The following SEMA3E variants were observed in gnomAD, a reference collection of about 807,000 sequenced individuals.
SEMA3E encodes the protein semaphorin 3E.
SEMA3E carries 49 observed loss-of-function variants against 93.6 expected under a neutral mutation model. The observed-to-expected ratio is 0.52, with a 90% CI of 0.42 to 0.66. The LOEUF (loss-of-function observed/expected upper bound fraction) is 0.66, where lower values mean the gene tolerates loss of function less well. Ranked by LOEUF, SEMA3E falls within the 30% of genes least tolerant of loss-of-function variation. The pLI, the probability that SEMA3E is intolerant of heterozygous loss-of-function variation, is 0.00. For missense variants in SEMA3E, 906 were observed against 964.8 expected (o/e 0.94, Z 0.81); for synonymous variants, 363 against 330.7 (o/e 1.10, Z -1.06).
chr7:83,402,412 C>G (rs1341097160), intron 10 of SEMA3E, among the ~76,000 whole-genome samples: 2 of 151,812 alleles, frequency 1.3e-5, no homozygotes, highest in East Asian at 3.9e-4. Flanking sequence ...TTTTATAATA[C>G]TGCTGTGTCC....
At chr7:83,441,352 TTGTA>T (rs1562784121) in intron 4 of SEMA3E, among the ~76,000 whole-genome samples, 2 of 152,194 alleles carry the variant, frequency 1.3e-5, no homozygotes, top group Non-Finnish European at 2.9e-5. Flanking sequence ...ATTTGCCAAT[TTGTA>T]TGTTTTTTTA....
At chr7:83,570,548 G>A (rs2535380) in intron 1 of SEMA3E, among the ~76,000 whole-genome samples, 1,046 of 28,094 alleles carry the variant, frequency 0.037, 42 homozygotes, top group African/African-American at 0.3. Context: ...GCGAGACTCC[G>A]TCTCAAAAAA....
At chr7:83,393,695 C>A (rs1166437387) in intron 13 of SEMA3E, among the ~76,000 whole-genome samples, 1 of 152,042 alleles carries the variant, frequency 6.6e-6, no homozygotes, top group Non-Finnish European at 1.5e-5. Context: ...TTTGCCTGAA[C>A]ATGAAGGATT....
intron 1 of SEMA3E, among the ~76,000 whole-genome samples, chr7:83,566,571 G>A (rs919270772): frequency 6.6e-6 from 1 of 151,996 alleles, no homozygotes; most frequent in African/African-American, 2.4e-5. Context: ...CAGCCTGTAG[G>A]TCCAAAACAA....
At chr7:83,576,649 G>A (rs897256404) in intron 1 of SEMA3E, among the ~76,000 whole-genome samples, 4 of 151,632 alleles carry the variant, frequency 2.6e-5, no homozygotes, top group Admixed American at 6.6e-5. Context: ...TTTTTGAGAC[G>A]GAGTCTCACT....
chr7:83,465,231 T>C (rs970092450), intron 4 of SEMA3E, among the ~76,000 whole-genome samples: 6 of 151,908 alleles, frequency 3.9e-5, no homozygotes, highest in Non-Finnish European at 7.4e-5. Flanking sequence ...TGTAATTTTC[T>C]TTTACCTACC....
intron 1 of SEMA3E, among the ~76,000 whole-genome samples, chr7:83,497,935 TC>T (rs1790520297): frequency 6.6e-6 from 1 of 152,180 alleles, no homozygotes; most frequent in Non-Finnish European, 1.5e-5. Flanking sequence ...TTTATAATTT[TC>T]AGATTCCTTG....
intron 13 of SEMA3E, among the ~76,000 whole-genome samples, chr7:83,393,203 T>C (rs1788052365): frequency 6.6e-6 from 1 of 152,228 alleles, no homozygotes; most frequent in East Asian, 1.9e-4. Flanking sequence ...TATCTTGCAT[T>C]ACCCAACACT....
intron 4 of SEMA3E, among the ~76,000 whole-genome samples, chr7:83,464,056 C>G (rs1789696245): frequency 6.6e-6 from 1 of 152,040 alleles, no homozygotes. Flanking sequence ...CACCTCAATA[C>G]AGTCTGATAA....
At chr7:83,408,134 T>C (rs775108505) in intron 6 of SEMA3E, among the ~76,000 whole-genome samples, 2 of 152,210 alleles carry the variant, frequency 1.3e-5, no homozygotes, top group African/African-American at 4.8e-5. Flanking sequence ...TACTGATTTC[T>C]AAGCATTGCT....
At chr7:83,534,414 T>A (rs1263547176) in intron 1 of SEMA3E, among the ~76,000 whole-genome samples, 1 of 152,184 alleles carries the variant, frequency 6.6e-6, no homozygotes, top group Non-Finnish European at 1.5e-5. Flanking sequence ...CATTTATAAA[T>A]AACAGTACTT....
intron 1 of SEMA3E, among the ~76,000 whole-genome samples, chr7:83,620,423 G>A (rs1376781427): frequency 6.6e-6 from 1 of 152,118 alleles, no homozygotes; most frequent in Non-Finnish European, 1.5e-5. Flanking sequence ...GACGTACAAA[G>A]AGGAGCTGGT....
chr7:83,449,638 C>T (rs1789312270), intron 4 of SEMA3E, among the ~76,000 whole-genome samples: 1 of 152,090 alleles, frequency 6.6e-6, no homozygotes, highest in African/African-American at 2.4e-5. Context: ...GAGAACTATA[C>T]AGCACATATT....
chr7:83,607,174 C>T (rs1452723006), intron 1 of SEMA3E, among the ~76,000 whole-genome samples: 1 of 152,300 alleles, frequency 6.6e-6, no homozygotes, highest in African/African-American at 2.4e-5. Flanking sequence ...TAAAGCTGTA[C>T]TTACATAACT....
intron 1 of SEMA3E, among the ~76,000 whole-genome samples, chr7:83,560,229 T>C (rs1792000151): frequency 6.6e-6 from 1 of 152,068 alleles, no homozygotes; most frequent in African/African-American, 2.4e-5. Context: ...TTGGGTGTCA[T>C]TGATGTGTCA....
Position 83,463,211 on chromosome 7 carries a change from G to C in SEMA3E, c.456+3271C>G, listed in dbSNP as rs563107207. Among the ~76,000 whole-genome samples, 290 of 151,440 alleles carry C rather than the reference G, an allele frequency of 1.9e-3. 1 individual carries two copies. Among genetic ancestry groups the C allele is most frequent in the African/African-American group, 6.2e-3 (258 of 41,370 alleles). The stretch of plus-strand genomic sequence containing the variant: ...TTTCCTTCCTAGGCATGGTTAGCGC[G>C]GTCAGAATTCTTACACAAGAGCCAG... On this transcript the variant is annotated intron_variant, in intron 4 of 16. Transcript: ENST00000643230.
intron 1 of SEMA3E, among the ~76,000 whole-genome samples, chr7:83,629,572 G>A (rs568261198): frequency 7.2e-5 from 11 of 152,080 alleles, no homozygotes; most frequent in African/African-American, 1.4e-4. Context: ...TGAATTTCCC[G>A]GTGGCTGTGT....
At chr7:83,476,127 G>C (rs1321796627) in intron 2 of SEMA3E, among the ~76,000 whole-genome samples, 2 of 152,206 alleles carry the variant, frequency 1.3e-5, no homozygotes, top group African/African-American at 4.8e-5. Context: ...ATCTGGCACA[G>C]TGTCTTAAGC....
At chr7:83,562,501 T>TTTATTTAA (rs1168003442) in intron 1 of SEMA3E, among the ~76,000 whole-genome samples, 13 of 150,682 alleles carry the variant, frequency 8.6e-5, no homozygotes, top group Non-Finnish European at 1.6e-4. Context: ...TATTTATTTA[T>TTTATTTAA]TTATTTTCAG....
Sources: allele counts gnomAD v4.1 joint callset (sites outside exome capture counted in the v4.1 genomes callset), GRCh38; gene constraint gnomAD v4.1.1; transcripts MANE v1.5; gene names NCBI Gene and HGNC (gene_info 2026-07-23, HGNC 2026-07-21).